Variants in ITPR3 observed in about 807,000 individuals in gnomAD.
The protein encoded by ITPR3 is inositol 1,4,5-trisphosphate receptor type 3.
In ITPR3, 173 loss-of-function variants were observed where a neutral mutation model predicts 293.2. The observed-to-expected ratio is 0.59, with a 90% CI of 0.52 to 0.67. The LOEUF (loss-of-function observed/expected upper bound fraction) is 0.67, where lower values mean the gene tolerates loss of function less well. Ranked by LOEUF, ITPR3 falls within the 30% of genes least tolerant of loss-of-function variation. The pLI is 0.00. For missense variants in ITPR3, 2,796 were observed against 3,592.1 expected (o/e 0.78, Z 5.66); for synonymous variants, 1,295 against 1,444.4 (o/e 0.90, Z 2.35).
Position 33,656,000 on chromosome 6 carries a change from T to A in ITPR3, c.282+113T>A, listed in dbSNP as rs1582123489. ...GGGGCTCTGTGGCTGAGCTGAGTGG[T>A]TTCTAAAACTCGTATGGGCGTGACA... On this transcript the variant is annotated intron_variant, in intron 3 of 57. Coordinates refer to ENST00000605930, the MANE Select transcript of ITPR3 (RefSeq NM_002224.4). The surrounding 1 kb of genome is among the most constrained non-coding windows in gnomAD (Gnocchi z 4.9). 1 of 1,384,378 alleles carries A rather than the reference T, an allele frequency of 7.2e-7. No homozygotes were observed. The highest frequency in any genetic ancestry group is 1.4e-5 in the African/African-American group (1 of 69,666). The allele number at this position is 1,384,378 out of a possible 1,614,324, so 85.8% of individuals were successfully genotyped here. A position where few individuals can be genotyped will look rare whatever the true frequency, so the allele number is the denominator to read the frequency against.
intron 56 of ITPR3, 47 bp from the exon 57 acceptor site, chr6:33,694,877 T>C: frequency 6.2e-7 from 1 of 1,612,996 alleles, no homozygotes; most frequent in African/African-American, 1.3e-5. Context: ...ATGAGGCCTT[T>C]CTAGGCCGGG....
chr6:33,689,421 G>C lies in ITPR3; in HGVS notation c.6867+11G>C, dbSNP rs1173449546. 1.2e-6 allele frequency: 2 copies of C among 1,606,020 alleles called. No individual in the cohort carries two copies. The highest frequency in any genetic ancestry group is 4.5e-5 in the East Asian group (2 of 44,854). On this transcript the variant is annotated intron_variant, in intron 50 of 57. Coordinates refer to ENST00000605930, the MANE Select transcript of ITPR3 (RefSeq NM_002224.4). Reference sequence around the variant, plus strand: ...CTGGGTGCCCTCAATGTGAGTGCCAGAGGGAGCCCCCATTCCCAAACAAGC... The same window carrying C: ...CTGGGTGCCCTCAATGTGAGTGCCACAGGGAGCCCCCATTCCCAAACAAGC...
chr6:33,636,517 G>A (rs114533825), intron 1 of ITPR3, among the ~76,000 whole-genome samples: 199 of 152,104 alleles, frequency 1.3e-3, no homozygotes, highest in African/African-American at 4.6e-3. Context: ...AGGATTTCCT[G>A]ACAGGTTAGG....
At chr6:33,652,867 T>C (rs1233356485) in intron 2 of ITPR3, among the ~76,000 whole-genome samples, 1 of 151,930 alleles carries the variant, frequency 6.6e-6, no homozygotes. Flanking sequence ...ATGTCCTCAG[T>C]GTGACAAAAA....
At position 33,683,979 on chromosome 6, in the gene ITPR3, A is replaced by G; in HGVS notation, c.4789-41A>G. 1 of 1,556,788 alleles carries G rather than the reference A, an allele frequency of 6.4e-7. No homozygotes were observed. The highest frequency in any genetic ancestry group is 8.7e-7 in the Non-Finnish European group (1 of 1,150,280). On this transcript the variant is annotated intron_variant, in intron 35 of 57. Coordinates refer to ENST00000605930, the MANE Select transcript of ITPR3 (RefSeq NM_002224.4). The surrounding 1 kb of genome is among the most constrained non-coding windows in gnomAD (Gnocchi z 4.5). ...GAGGAATGGCAGTCACACCCGGGTC[A>G]TTTCTTGGGCCTGGCAATGACTCTG... is the stretch of plus-strand genomic sequence containing the variant.
In ITPR3 at chr6:33,673,873, G is replaced by GA. The variant is rs1337000337; in HGVS notation, c.3058+155dup. Among the ~76,000 whole-genome samples, 12 of 152,334 alleles carry GA rather than the reference G, an allele frequency of 7.9e-5. 1 individual carries two copies. The Middle Eastern group carries it at 0.031, about 389-fold the overall frequency. On this transcript the variant is annotated intron_variant, in intron 23 of 57. Transcript: ENST00000605930. ...CTCATTTAATTGCCTCAGTGAGGGGGAAGGGCAGGGATCCTTCCCTTCGTT... is the reference window on the plus strand; with the variant it reads ...CTCATTTAATTGCCTCAGTGAGGGGGAAAGGGCAGGGATCCTTCCCTTCGTT...
intron 17 of ITPR3, 144 bp downstream of exon 17, chr6:33,668,778 G>A (rs1285364223): frequency 1.7e-5 from 23 of 1,376,096 alleles, no homozygotes; most frequent in Middle Eastern, 1.9e-4. Flanking sequence ...TATGTGCCCC[G>A]CTGTGTGCCT....
intron 1 of ITPR3, among the ~76,000 whole-genome samples, chr6:33,623,227 C>T (rs1763478540): frequency 6.6e-6 from 1 of 151,286 alleles, no homozygotes; most frequent in Non-Finnish European, 1.5e-5. Flanking sequence ...CTCCTAGTGT[C>T]TGAAGAGCAC....
chr6:33,627,871 G>A (rs545778522), intron 1 of ITPR3, among the ~76,000 whole-genome samples: 47 of 152,364 alleles, frequency 3.1e-4, no homozygotes, highest in South Asian at 1.2e-3. Flanking sequence ...GGATGAAGTG[G>A]AGAGGGGGTG....
rs754283296 is a variant in ITPR3 at position 33,658,771 on chromosome 6, C to T, written c.471C>T (p.Asn157=). 3.7e-6 allele frequency: 6 copies of T among 1,614,176 alleles called. No individual in the cohort carries two copies. Among genetic ancestry groups the T allele is most frequent in the South Asian group, 3.3e-5 (3 of 91,076 alleles). ...AMRVTLDATG[N]EGSWLFIQPF... ...GGGTGACTCTGGATGCCACAGGCAA[C>T]GAGGGTTCCTGGCTCTTCATCCAGC... The change falls in exon 5 of 58, where the codon AAC becomes AAT. Residue 157 remains asparagine (N), a synonymous_variant. Coordinates refer to ENST00000605930, the MANE Select transcript of ITPR3 (RefSeq NM_002224.4). The surrounding 1 kb of genome is among the most constrained non-coding windows in gnomAD (Gnocchi z 6.1).
intron 3 of ITPR3, among the ~76,000 whole-genome samples, chr6:33,657,438 C>T (rs1305585320): frequency 1.3e-5 from 2 of 151,712 alleles, no homozygotes; most frequent in Non-Finnish European, 2.9e-5. Context: ...TGAATGCACA[C>T]AGTTTTGGGA....
In ITPR3 at chr6:33,621,983, G is replaced by C. The variant is rs1654095945; in HGVS notation, c.89+292G>C. ...CGGAGGGACGGAGGCTTCCTTTGCA[G>C]GTGGTCCCGGGGGCGGGCAGGTGGG... On this transcript the variant is annotated intron_variant, in intron 1 of 57. Transcript: ENST00000605930. This position sits in a 1 kb window ranked among gnomAD's most constrained non-coding sequence, Gnocchi z 7.7. Among the ~76,000 whole-genome samples, 1 of 152,220 alleles carries C rather than the reference G, an allele frequency of 6.6e-6. No homozygotes were observed. Among genetic ancestry groups the C allele is most frequent in the Non-Finnish European group, 1.5e-5 (1 of 68,034 alleles).
chr6:33,678,803 G>A lies in ITPR3; in HGVS notation c.3936G>A (p.Lys1312=). The A allele has an allele frequency of 6.2e-7, 1 of 1,613,560 alleles. No individual in the cohort carries two copies. The highest frequency in any genetic ancestry group is 8.5e-7 in the Non-Finnish European group (1 of 1,179,866). ...FLHTVIKAEG[K]YVKKCQDMIM... The stretch of plus-strand genomic sequence containing the variant: ...ACACCGTCATTAAGGCCGAGGGCAA[G>A]TACGTCAAGAAGTGCCAGGACATGA... Residue 1312 remains lysine (K), a synonymous_variant, in exon 30 of 58, where the codon AAG becomes AAA. Coordinates refer to ENST00000605930, the MANE Select transcript of ITPR3 (RefSeq NM_002224.4).
At position 33,696,398 on chromosome 6, in the gene ITPR3, CAGGCTTCCTGGGGAAGAGTTG is replaced by C. The variant is rs2127330275; in HGVS notation, c.*619_*639del. The C allele has an allele frequency of 6.5e-6, 1 of 152,984 alleles. No homozygotes were observed. Among genetic ancestry groups the C allele is most frequent in the South Asian group, 2.1e-4 (1 of 4,834 alleles). 9.5% of individuals were successfully genotyped at this position (152,984 alleles called of 1,614,324 possible). Reference sequence around the variant, plus strand: ...CTTGCTCCCAGGACCTGCCTCTTCCCAGGCTTCCTGGGGAAGAGTTGTACGCCCAGGCAACAAGGGCTGAGC... The same window carrying C: ...CTTGCTCCCAGGACCTGCCTCTTCCCTACGCCCAGGCAACAAGGGCTGAGC... On this transcript the variant is annotated 3_prime_UTR_variant, in exon 58 of 58. Transcript: ENST00000605930.
At chr6:33,695,595 G>A in intron 57 of ITPR3, 117 bp from the exon 58 acceptor site, 1 of 1,014,616 alleles carries the variant, frequency 9.9e-7, no homozygotes, top group Non-Finnish European at 1.5e-6. Context: ...CCCGCCGCCA[G>A]TGCCGAATAG....
In ITPR3 at chr6:33,633,181, G is replaced by A. The variant is rs1208425088; in HGVS notation, c.90-7303G>A. Among the ~76,000 whole-genome samples, 2 of 152,122 alleles carry A rather than the reference G, an allele frequency of 1.3e-5. No homozygotes were observed. The highest frequency in any genetic ancestry group is 2.9e-5 in the Non-Finnish European group (2 of 68,000). On this transcript the variant is annotated intron_variant, in intron 1 of 57. Transcript: ENST00000605930. The surrounding 1 kb of genome is among the most constrained non-coding windows in gnomAD (Gnocchi z 5.2). Reference sequence around the variant, plus strand: ...GCGGGGCGTGGGCAGGGAACCACACGGGAGCCTCAGCTTGGCCTTGAGATG... The same window carrying A: ...GCGGGGCGTGGGCAGGGAACCACACAGGAGCCTCAGCTTGGCCTTGAGATG...
Position 33,689,410 on chromosome 6 carries a change from T to C in ITPR3, c.6867T>C (p.Asn2289=), listed in dbSNP as rs144450451. ...CACTCAACATCCTGGGTGCCCTCAA[T>C]GTGAGTGCCAGAGGGAGCCCCCATT... The part of the protein sequence containing the change: ...GPTLNILGAL[N]LTNKIVFVVS... Residue 2289 remains asparagine (N), a splice_region_variant and synonymous_variant, in exon 50 of 58, where the codon AAT becomes AAC. Transcript: ENST00000605930. The C allele has an allele frequency of 3.7e-6, 6 of 1,608,436 alleles. No individual in the cohort carries two copies. Among genetic ancestry groups the C allele is most frequent in the Non-Finnish European group, 4.2e-6 (5 of 1,179,916 alleles).
intron 17 of ITPR3, 61 bp downstream of exon 17, chr6:33,668,695 G>C: frequency 1.2e-6 from 2 of 1,609,572 alleles, no homozygotes; most frequent in Non-Finnish European, 1.7e-6. Context: ...AGCTGTCTTA[G>C]AGCTTAGGCC....
Position 33,675,386 on chromosome 6 carries a change from G to C in ITPR3, c.3117-305G>C, listed in dbSNP as rs1023500499. On this transcript the variant is annotated intron_variant, in intron 24 of 57. Transcript: ENST00000605930. This position sits in a 1 kb window ranked among gnomAD's most constrained non-coding sequence, Gnocchi z 5.0. ...GCAGTGAGCCAAGATCATGCCACTG[G>C]CTGCATTCCATCCTGGGTGACAGAG... Among the ~76,000 whole-genome samples the C allele has an allele frequency of 6.6e-6, 1 of 151,004 alleles. No homozygotes were observed. Among genetic ancestry groups the C allele is most frequent in the Non-Finnish European group, 1.5e-5 (1 of 67,852 alleles).
Sources: allele counts gnomAD v4.1 joint callset (sites outside exome capture counted in the v4.1 genomes callset), GRCh38; gene constraint gnomAD v4.1.1; non-coding constraint Gnocchi (gnomAD v3.1); transcripts MANE v1.5; gene names NCBI Gene and HGNC (gene_info 2026-07-23, HGNC 2026-07-21).